UNC13B: variants seen among roughly 807,000 people sequenced by gnomAD.
UNC13B encodes the protein protein unc-13 homolog B.
Under a neutral mutation model 211.0 loss-of-function variants are expected in UNC13B, and 144 were observed. The ratio of observed to expected loss-of-function variants is 0.68; its 90% confidence interval spans 0.60 to 0.78. The LOEUF (loss-of-function observed/expected upper bound fraction) is 0.78. Ranked by LOEUF, UNC13B falls within the 30% of genes least tolerant of loss-of-function variation. UNC13B has a pLI of 0.00. For missense variants in UNC13B, 1,777 were observed against 2,002.0 expected (o/e 0.89, Z 2.14); for synonymous variants, 709 against 725.8 (o/e 0.98, Z 0.37).
rs149291666 is a variant in UNC13B, at chr9:35,313,341, C to G, written c.9324-558C>G. On this transcript the variant is annotated intron_variant, in intron 10 of 39. Transcript: ENST00000635942. ...AATGAAAAAGAAGGAAAAGAAGGAA[C>G]AGATGAGGCGCAGTGGCTCACGCCT... Among the ~76,000 whole-genome samples the G allele has an allele frequency of 7.2e-5, 11 of 152,236 alleles. No individual in the cohort carries two copies. In the East Asian group the frequency reaches 2.1e-3, roughly 29 times the overall value.
At chr9:35,360,302 C>CT (rs1833324475) in intron 11 of UNC13B, among the ~76,000 whole-genome samples, 1 of 152,234 alleles carries the variant, frequency 6.6e-6, no homozygotes, top group African/African-American at 2.4e-5. Context: ...AAAGCAGACC[C>CT]TGGAACAAGA....
At chr9:35,332,893 A>G (rs1831452424) in intron 11 of UNC13B, among the ~76,000 whole-genome samples, 1 of 152,156 alleles carries the variant, frequency 6.6e-6, no homozygotes, top group Non-Finnish European at 1.5e-5. Context: ...TATTTCTTAA[A>G]ATAATATATT....
intron 14 of UNC13B, 25 bp downstream of exon 14, chr9:35,375,226 A>C (rs1486373425): frequency 6.2e-7 from 1 of 1,612,664 alleles, no homozygotes; most frequent in African/African-American, 1.3e-5. Context: ...TGCTTTCGTA[A>C]GTCCACTGGC....
intron 1 of UNC13B, among the ~76,000 whole-genome samples, chr9:35,207,360 A>G (rs2131402319): frequency 6.6e-6 from 1 of 152,238 alleles, no homozygotes; most frequent in East Asian, 1.9e-4. Flanking sequence ...TCTGGGCTCA[A>G]GCAGTACTCC....
At chr9:35,380,722 A>G in intron 18 of UNC13B, 83 bp downstream of exon 18, 4 of 1,555,912 alleles carry the variant, frequency 2.6e-6, no homozygotes, top group Non-Finnish European at 3.5e-6. Context: ...CAAAACCACC[A>G]TCTGTCCCCA....
intron 11 of UNC13B, among the ~76,000 whole-genome samples, chr9:35,330,003 T>C (rs538533618): frequency 2.0e-5 from 3 of 152,336 alleles, no homozygotes; most frequent in East Asian, 1.9e-4. Flanking sequence ...GTGTCTTTTG[T>C]ATCCGTTTAC....
chr9:35,197,783 C>T lies in UNC13B; in HGVS notation c.23-30232C>T, dbSNP rs576768415. Among the ~76,000 whole-genome samples, 14 of 152,216 alleles carry T rather than the reference C, an allele frequency of 9.2e-5. No homozygotes were observed. In the South Asian group the frequency reaches 1.2e-3, roughly 14 times the overall value. On this transcript the variant is annotated intron_variant, in intron 1 of 39. Coordinates refer to ENST00000635942, the MANE Select transcript of UNC13B (RefSeq NM_001371189.2). ...CACCTTCTCTCCCTCCTGCTCCAAC[C>T]GGGTAAGATGTGCCTGCTTCCCCTT...
At chr9:35,363,103 C>A (rs760144824) in intron 11 of UNC13B, among the ~76,000 whole-genome samples, 16 of 152,058 alleles carry the variant, frequency 1.1e-4, no homozygotes, top group Non-Finnish European at 1.9e-4. Context: ...CTTTGTGAAA[C>A]AAGACAATTA....
intron 2 of UNC13B, among the ~76,000 whole-genome samples, chr9:35,230,690 T>C (rs1825148922): frequency 6.6e-6 from 1 of 152,048 alleles, no homozygotes; most frequent in African/African-American, 2.4e-5. Context: ...TTATCTTTCC[T>C]AGTAGGTCAA....
At chr9:35,272,233 A>T (rs10972415) in intron 7 of UNC13B, among the ~76,000 whole-genome samples, 3 of 143,902 alleles carry the variant, frequency 2.1e-5, no homozygotes, top group African/African-American at 2.6e-5. Flanking sequence ...TGGTTGTTTC[A>T]TTTTGTTTTT....
chr9:35,243,376 C>G lies in UNC13B; in HGVS notation c.468+12C>G. ...GAGCTGACAATGAGGTAGGAGCAGC[C>G]TTATTTGCAGTATAGAGAGATGGGG... On this transcript the variant is annotated intron_variant, in intron 6 of 39. Transcript: ENST00000635942. 1 of 1,613,150 alleles carries G rather than the reference C, an allele frequency of 6.2e-7. No individual in the cohort carries two copies. The highest frequency in any genetic ancestry group is 8.5e-7 in the Non-Finnish European group (1 of 1,179,472).
intron 1 of UNC13B, among the ~76,000 whole-genome samples, chr9:35,200,797 A>G (rs987717327): frequency 2.0e-5 from 3 of 152,066 alleles, no homozygotes; most frequent in African/African-American, 7.2e-5. Context: ...ACAATTTGAC[A>G]TCCTCTTTTC....
chr9:35,331,528 T>C (rs540922145), intron 11 of UNC13B, among the ~76,000 whole-genome samples: 1 of 152,338 alleles, frequency 6.6e-6, no homozygotes, highest in East Asian at 1.9e-4. Flanking sequence ...ATTACAGGCA[T>C]GTGCCACTGT....
intron 1 of UNC13B, among the ~76,000 whole-genome samples, chr9:35,176,848 C>T (rs1346945270): frequency 6.6e-6 from 1 of 152,096 alleles, no homozygotes; most frequent in South Asian, 2.1e-4. Flanking sequence ...GAAGACTGAA[C>T]TGAGATCTAG....
intron 11 of UNC13B, among the ~76,000 whole-genome samples, chr9:35,335,947 T>G (rs1831632211): frequency 6.6e-6 from 1 of 152,126 alleles, no homozygotes; most frequent in African/African-American, 2.4e-5. Context: ...CCTCAGTCCT[T>G]CTACTTCAGC....
At chr9:35,174,200 C>T (rs1464760599) in intron 1 of UNC13B, among the ~76,000 whole-genome samples, 1 of 152,094 alleles carries the variant, frequency 6.6e-6, no homozygotes, top group Non-Finnish European at 1.5e-5. Flanking sequence ...CTCTGTTTCC[C>T]AGGCTGGAGT....
At chr9:35,350,973 A>G (rs1832686112) in intron 11 of UNC13B, among the ~76,000 whole-genome samples, 1 of 152,202 alleles carries the variant, frequency 6.6e-6, no homozygotes, top group African/African-American at 2.4e-5. Flanking sequence ...CCTAGTACTG[A>G]ATTTTGTGAA....
intron 11 of UNC13B, chr9:35,364,496 G>T: frequency 6.5e-7 from 1 of 1,533,990 alleles, no homozygotes. Flanking sequence ...TTATAGGACT[G>T]ACTCTACTAA....
chr9:35,303,650 A>G lies in UNC13B; in HGVS notation c.4246A>G (p.Thr1416Ala), dbSNP rs1027103843. The change falls in exon 9 of 40, where the codon ACA becomes GCA. Residue 1416 changes from threonine to alanine, a missense_variant. Coordinates refer to ENST00000635942, the MANE Select transcript of UNC13B (RefSeq NM_001371189.2). ...DQNANILEWRTNPNSVIWCDL... is the reference protein window; with the variant it reads ...DQNANILEWRANPNSVIWCDL... The stretch of plus-strand genomic sequence containing the variant: ...AAATGCAAACATCTTGGAGTGGAGA[A>G]CAAATCCAAACAGTGTCATTTGGTG... The G allele has an allele frequency of 1.0e-5, 4 of 398,666 alleles. No homozygotes were observed. Among genetic ancestry groups the G allele is most frequent in the African/African-American group, 8.2e-5 (4 of 48,640 alleles). 24.7% of individuals were successfully genotyped at this position (398,666 alleles called of 1,614,324 possible).
Sources: gnomAD v4.1 joint callset for allele counts (sites outside exome capture counted in the v4.1 genomes callset) on GRCh38, gnomAD v4.1.1 for gene constraint, MANE v1.5 for transcripts, NCBI Gene and HGNC (gene_info 2026-07-23, HGNC 2026-07-21) for gene names.